Variants in TMEM131 observed in about 807,000 individuals in gnomAD.
TMEM131 encodes the protein 2610524E03Rik.
TMEM131 carries 66 observed loss-of-function variants against 211.6 expected under a neutral mutation model. The observed-to-expected ratio is 0.31, with a 90% confidence interval of 0.26 to 0.38. The LOEUF is 0.38. TMEM131 is among the 10% of genes least tolerant of loss of function. The pLI, the probability that TMEM131 is intolerant of heterozygous loss-of-function variation, is 1.00. For missense variants in TMEM131, 2,036 were observed against 2,299.3 expected (o/e 0.89, Z 2.34); for synonymous variants, 844 against 841.3 (o/e 1.00, Z -0.06).
intron 33 of TMEM131, among the ~76,000 whole-genome samples, chr2:97,767,380 T>C (rs1378331760): frequency 6.6e-6 from 1 of 152,144 alleles, no homozygotes; most frequent in African/African-American, 2.4e-5. Flanking sequence ...ACTGGGTAGC[T>C]GGCCCATGGA....
At chr2:97,817,682 C>A (rs1483995363) in intron 12 of TMEM131, among the ~76,000 whole-genome samples, 2 of 152,210 alleles carry the variant, frequency 1.3e-5, no homozygotes, top group African/African-American at 4.8e-5. Context: ...GCCAGCCCCA[C>A]CTCCGTAGCT....
At chr2:97,822,092 C>T (rs186690941) in intron 11 of TMEM131, among the ~76,000 whole-genome samples, 7 of 152,190 alleles carry the variant, frequency 4.6e-5, no homozygotes. Context: ...TTCCTCTTGC[C>T]TCTCTTCTCC....
In TMEM131 at chr2:97,792,716, G is replaced by C; in HGVS notation, c.3814C>G (p.Gln1272Glu). The C allele has an allele frequency of 6.2e-7, 1 of 1,614,016 alleles. No homozygotes were observed. The highest frequency in any genetic ancestry group is 1.3e-5 in the African/African-American group (1 of 75,042). The change falls in exon 31 of 41, where the codon CAA (glutamine) becomes GAA (glutamate). Residue 1272 changes from glutamine to glutamate, a missense_variant. Gln to Glu is a conservative substitution (Grantham distance 29, BLOSUM62 2). Coordinates refer to ENST00000186436, the MANE Select transcript of TMEM131 (RefSeq NM_015348.2). ...GACTTTCTGCCCGCTGTATGACCTT[G>C]AGTCACTGTGTTCGAATCTAAGACA... is the stretch of plus-strand genomic sequence containing the variant. The part of the protein sequence containing the change: ...PLVLDSNTVT[Q>E]GHTAGRKSKG...
At chr2:97,838,628 A>T (rs1234389335) in intron 7 of TMEM131, among the ~76,000 whole-genome samples, 1 of 151,912 alleles carries the variant, frequency 6.6e-6, no homozygotes, top group Non-Finnish European at 1.5e-5. Flanking sequence ...TATTTTTCGC[A>T]GAGATGGGGT....
intron 1 of TMEM131, among the ~76,000 whole-genome samples, chr2:97,945,240 T>C (rs1677976514): frequency 6.6e-6 from 1 of 152,108 alleles, no homozygotes; most frequent in Non-Finnish European, 1.5e-5. Flanking sequence ...AGTATTCCAT[T>C]TATAGGAAAC....
At chr2:97,920,312 G>T (rs1354114286) in intron 2 of TMEM131, among the ~76,000 whole-genome samples, 1 of 152,104 alleles carries the variant, frequency 6.6e-6, no homozygotes, top group African/African-American at 2.4e-5. Context: ...GGTGGCAAAG[G>T]GGGCAGTGAA....
At chr2:97,894,319 C>T (rs1404401614) in intron 3 of TMEM131, among the ~76,000 whole-genome samples, 1 of 152,168 alleles carries the variant, frequency 6.6e-6, no homozygotes. Context: ...AGCATGATGC[C>T]TCTAGCCTTG....
intron 28 of TMEM131, 110 bp downstream of exon 28, chr2:97,796,108 A>C (rs1019787281): frequency 2.0e-5 from 12 of 608,624 alleles, no homozygotes; most frequent in African/African-American, 2.0e-4. Context: ...TGAAAAAAAA[A>C]CAAATGAATG....
At chr2:97,984,703 T>C (rs900134111) in intron 1 of TMEM131, among the ~76,000 whole-genome samples, 2 of 150,210 alleles carry the variant, frequency 1.3e-5, no homozygotes, top group African/African-American at 4.9e-5. Flanking sequence ...TATTAATATA[T>C]ATTATATATA....
rs549014360 is a variant in TMEM131, at chr2:97,825,985, A to ATG, written c.1075-7266_1075-7265dup. 8.5e-5 allele frequency among the ~76,000 whole-genome samples: 13 copies of ATG among 152,328 alleles called. No homozygotes were observed. In the East Asian group the frequency reaches 1.9e-3, roughly 23 times the overall value. ...AGCAACCGGTGCTTCAAATATGTAC[A>ATG]TGTGTGGCCCTCAGCCCTGCCATTT... On this transcript the variant is annotated intron_variant, in intron 11 of 40. Transcript: ENST00000186436.
intron 4 of TMEM131, among the ~76,000 whole-genome samples, chr2:97,864,567 C>T (rs1674196815): frequency 1.3e-5 from 2 of 152,046 alleles, no homozygotes; most frequent in Admixed American, 6.6e-5. Flanking sequence ...TAATCAGGGG[C>T]TAATTTAGGT....
chr2:97,950,915 C>A (rs548291937), intron 1 of TMEM131, among the ~76,000 whole-genome samples: 11 of 152,208 alleles, frequency 7.2e-5, no homozygotes, highest in Admixed American at 2.0e-4. Context: ...TTTTAATAGC[C>A]TAAATTTGCA....
At chr2:97,936,589 C>T (rs527282440) in intron 1 of TMEM131, among the ~76,000 whole-genome samples, 10 of 152,178 alleles carry the variant, frequency 6.6e-5, no homozygotes, top group South Asian at 2.1e-4. Context: ...TGAAGCTCAC[C>T]ACACGGAGAC....
intron 4 of TMEM131, among the ~76,000 whole-genome samples, chr2:97,876,654 C>T (rs1204629699): frequency 1.3e-5 from 2 of 152,194 alleles, no homozygotes; most frequent in African/African-American, 2.4e-5. Context: ...TTCAACACTC[C>T]TTCATGCTAA....
chr2:97,811,327 A>G (rs1681539866), intron 17 of TMEM131, 95 bp from the exon 18 acceptor site: 1 of 844,050 alleles, frequency 1.2e-6, no homozygotes, highest in South Asian at 1.4e-5. Context: ...AATGACTAAC[A>G]AATCCTAACA....
At chr2:97,868,530 G>A (rs573149547) in intron 4 of TMEM131, among the ~76,000 whole-genome samples, 5 of 152,170 alleles carry the variant, frequency 3.3e-5, no homozygotes, top group East Asian at 1.9e-4. Context: ...TAGGAAAGCC[G>A]TGCCCACAGA....
rs114222406 is a variant in TMEM131 at position 97,984,876 on chromosome 2, T to C, written c.187+10600A>G. Among the ~76,000 whole-genome samples, 243 of 152,212 alleles carry C rather than the reference T, an allele frequency of 1.6e-3. 1 individual carries two copies. The highest frequency in any genetic ancestry group is 5.6e-3 in the African/African-American group (233 of 41,522). The stretch of plus-strand genomic sequence containing the variant: ...GAGCAAATGTGGAAGTGTGTGAGTA[T>C]AGCCTGGCAGCTGCAGGCAGCCCAA... On this transcript the variant is annotated intron_variant, in intron 1 of 40. Coordinates refer to ENST00000186436, the MANE Select transcript of TMEM131 (RefSeq NM_015348.2).
At chr2:97,911,501 A>G (rs1043098290) in intron 2 of TMEM131, 3 of 269,966 alleles carry the variant, frequency 1.1e-5, no homozygotes, top group Non-Finnish European at 1.1e-5. Context: ...CTATGGTCTC[A>G]CATGAAGTCT....
At chr2:97,995,148 A>G (rs1573670603) in intron 1 of TMEM131, among the ~76,000 whole-genome samples, 1 of 152,376 alleles carries the variant, frequency 6.6e-6, no homozygotes, top group East Asian at 1.9e-4. Context: ...AAGAAAACAG[A>G]AGTGTCCTAA....
Sources: allele counts gnomAD v4.1 joint callset (sites outside exome capture counted in the v4.1 genomes callset), GRCh38; gene constraint gnomAD v4.1.1; transcripts MANE v1.5; gene names NCBI Gene and HGNC (gene_info 2026-07-23, HGNC 2026-07-21).